Variants in ATP5PD observed in about 807,000 individuals in gnomAD.
The protein encoded by ATP5PD is ATP synthase peripheral stalk subunit d, mitochondrial.
A neutral mutation model predicts 22.6 loss-of-function variants in ATP5PD; 13 were observed. The ratio of observed to expected loss-of-function variants is 0.58; its 90% CI spans 0.37 to 0.91. The LOEUF (loss-of-function observed/expected upper bound fraction) is 0.91. ATP5PD is among the 40% of genes least tolerant of loss of function. ATP5PD has a pLI of 0.00. For synonymous variants in ATP5PD, 51 were observed against 65.0 expected (o/e 0.79, Z 1.03); for missense variants, 165 against 188.0 (o/e 0.88, Z 0.72).
At chr17:75,042,158 G>A in intron 3 of ATP5PD, 23 bp downstream of exon 3, 1 of 1,602,268 alleles carries the variant, frequency 6.2e-7, no homozygotes, top group Non-Finnish European at 8.5e-7. Flanking sequence ...CAAGCTCAGT[G>A]CTTTAGAGGT....
At chr17:75,046,888 T>G (rs2073225861) in intron 1 of ATP5PD, 37 bp downstream of exon 1, 1 of 153,526 alleles carries the variant, frequency 6.5e-6, no homozygotes, top group African/African-American at 2.4e-5. Context: ...AGAGGAGCCC[T>G]CCAGGGATCG....
intron 1 of ATP5PD, among the ~76,000 whole-genome samples, chr17:75,046,557 GC>G (rs1296814416): frequency 6.6e-6 from 1 of 152,248 alleles, no homozygotes; most frequent in East Asian, 1.9e-4. Context: ...GAAGGGCGCA[GC>G]CCCGCAGCCA....
At chr17:75,040,364 G>GGA in intron 3 of ATP5PD, 2 of 604,132 alleles carry the variant, frequency 3.3e-6, no homozygotes, top group Non-Finnish European at 5.9e-6. Context: ...ACTGGGAACA[G>GGA]GAGCTCAAGG....
intron 3 of ATP5PD, 122 bp downstream of exon 3, chr17:75,042,059 C>T (rs1397659427): frequency 1.4e-5 from 11 of 812,018 alleles, no homozygotes; most frequent in East Asian, 2.7e-5. Flanking sequence ...TTTGGCCATA[C>T]GCATCCTTCC....
rs565344358 is a variant in ATP5PD, at chr17:75,038,946, T to C, written c.472A>G (p.Ile158Val). 18 of 1,612,996 alleles carry C rather than the reference T, an allele frequency of 1.1e-5. No homozygotes were observed. The African/African-American group carries it at 1.7e-4, about 16-fold the overall frequency. The stretch of plus-strand genomic sequence containing the variant: ...TGGACTCAATTTTATAAATTCTCAA[T>C]TGGTTGGTGAGGCCAATAGGGATAC... The part of the protein sequence containing the change: ...KKYPYWPHQP[I>V]ENL Residue 158 changes from isoleucine to valine, a missense_variant, in exon 6 of 6, where the codon ATT becomes GTT. Ile to Val is a conservative substitution (Grantham distance 29). Transcript: ENST00000301587.
At chr17:75,039,994 A>T in intron 4 of ATP5PD, 98 bp downstream of exon 4, 1 of 1,278,626 alleles carries the variant, frequency 7.8e-7, no homozygotes, top group Non-Finnish European at 1.1e-6. Flanking sequence ...TATGGCTGTT[A>T]ACTCTTCCAT....
intron 1 of ATP5PD, among the ~76,000 whole-genome samples, chr17:75,044,575 C>A (rs2073194125): frequency 6.6e-6 from 1 of 151,494 alleles, no homozygotes; most frequent in Admixed American, 6.6e-5. Flanking sequence ...CTCCAGACCT[C>A]AGGTGATCCA....
rs1334815470 is a variant in ATP5PD at position 75,040,174 on chromosome 17, A to G, written c.220-11T>C. 6.2e-7 allele frequency: 1 copy of G among 1,611,234 alleles called. No homozygotes were observed. On this transcript the variant is annotated splice_polypyrimidine_tract_variant and intron_variant, in intron 3 of 5. Transcript: ENST00000301587. The stretch of plus-strand genomic sequence containing the variant: ...CTTCAGCGCATTAAACTACAAACAC[A>G]AGGGCACGGGAACCTTCAGCGCATT...
At chr17:75,043,208 A>G (rs1027367319) in intron 1 of ATP5PD, among the ~76,000 whole-genome samples, 8 of 152,238 alleles carry the variant, frequency 5.3e-5, no homozygotes, top group Non-Finnish European at 1.0e-4. Flanking sequence ...GCAACACAGC[A>G]AGAGTCCGTC....
At chr17:75,046,591 A>T (rs2073220370) in intron 1 of ATP5PD, among the ~76,000 whole-genome samples, 1 of 152,216 alleles carries the variant, frequency 6.6e-6, no homozygotes, top group Non-Finnish European at 1.5e-5. Flanking sequence ...TCGGCAGGTT[A>T]ACACTGTCTG....
chr17:75,042,055 CA>C, intron 3 of ATP5PD, 125 bp downstream of exon 3: 1 of 770,800 alleles, frequency 1.3e-6, no homozygotes, highest in Non-Finnish European at 2.1e-6. Flanking sequence ...GGCCTTTGGC[CA>C]TACGCATCCT....
intron 4 of ATP5PD, 162 bp from the exon 5 acceptor site, chr17:75,039,433 GCTTTT>G: frequency 1.6e-6 from 1 of 622,440 alleles, no homozygotes; most frequent in African/African-American, 1.8e-5. Context: ...GCAAACCACA[GCTTTT>G]CTTAACACTC....
At chr17:75,043,905 T>A (rs898092776) in intron 1 of ATP5PD, among the ~76,000 whole-genome samples, 4 of 149,024 alleles carry the variant, frequency 2.7e-5, no homozygotes, top group Non-Finnish European at 5.9e-5. Flanking sequence ...GCACAGCAAC[T>A]TGCTCCAGAG....
At chr17:75,042,305 G>A in intron 2 of ATP5PD, 28 bp from the exon 3 acceptor site, 2 of 1,609,776 alleles carry the variant, frequency 1.2e-6, no homozygotes, top group Non-Finnish European at 1.7e-6. Flanking sequence ...CAAAAGTTAG[G>A]ATTGTTCATA....
At chr17:75,045,089 T>G (rs187690080) in intron 1 of ATP5PD, among the ~76,000 whole-genome samples, 199 of 152,266 alleles carry the variant, frequency 1.3e-3, no homozygotes, top group Non-Finnish European at 1.2e-4. Flanking sequence ...AGAGAGAAAT[T>G]TTAAAGCTGG....
chr17:75,044,061 G>T (rs1193305322), intron 1 of ATP5PD, among the ~76,000 whole-genome samples: 20 of 125,974 alleles, frequency 1.6e-4, no homozygotes, highest in Non-Finnish European at 4.9e-5. Context: ...GTTTCACTCT[G>T]TCCCCCGGGC....
At chr17:75,042,747 TAGAG>T (rs1381899313) in intron 1 of ATP5PD, 88 bp from the exon 2 acceptor site, 36 of 1,241,824 alleles carry the variant, frequency 2.9e-5, no homozygotes, top group Non-Finnish European at 4.0e-5. Context: ...TAAGAGCTCT[TAGAG>T]AGAATCCTTT....
Position 75,042,190 on chromosome 17 carries a change from A to C in ATP5PD, c.210T>G (p.Phe70Leu). The part of the protein sequence containing the change: ...NVAKAGLVDD[F>L]EKKFNALKVP... ...AGGTGTGAAGTCTCACCTTCTTCTC[A>C]AAGTCATCCACCAAGCCAGCCTTGG... Residue 70 changes from phenylalanine to leucine, a missense_variant, in exon 3 of 6, where the codon TTT becomes TTG. Transcript: ENST00000301587. 2 of 1,613,888 alleles carry C rather than the reference A, an allele frequency of 1.2e-6. No homozygotes were observed. The highest frequency in any genetic ancestry group is 1.7e-6 in the Non-Finnish European group (2 of 1,179,902).
At chr17:75,042,157 T>C (rs767950776) in intron 3 of ATP5PD, 24 bp downstream of exon 3, 11 of 1,600,628 alleles carry the variant, frequency 6.9e-6, no homozygotes, top group Non-Finnish European at 9.4e-6. Flanking sequence ...ACAAGCTCAG[T>C]GCTTTAGAGG....
Sources: gnomAD v4.1 joint callset for allele counts (sites outside exome capture counted in the v4.1 genomes callset) on GRCh38, gnomAD v4.1.1 for gene constraint, MANE v1.5 for transcripts, NCBI Gene and HGNC (gene_info 2026-07-23, HGNC 2026-07-21) for gene names.